The following CNBD2 variants were observed in gnomAD, a reference collection of about 807,000 sequenced individuals.
The protein encoded by CNBD2 is cyclic nucleotide binding domain containing 2.
CNBD2 carries 64 observed loss-of-function variants against 63.7 expected under a neutral mutation model. The observed-to-expected ratio is 1.00, with a 90% CI of 0.82 to 1.24. The LOEUF (loss-of-function observed/expected upper bound fraction) is 1.24. Ranked by LOEUF, CNBD2 falls within the 50% of genes most tolerant of loss-of-function variation. The pLI is 0.00. For synonymous variants in CNBD2, 229 were observed against 255.4 expected, an observed-to-expected ratio of 0.90 and a Z score of 0.99; for missense variants, 691 against 713.5, an observed-to-expected ratio of 0.97 and a Z score of 0.36.
chr20:35,967,239 C>CTTTT (rs141881380), upstream of CNBD2, among the ~76,000 whole-genome samples: 90 of 87,008 alleles, frequency 1.0e-3, 5 homozygotes, highest in African/African-American at 4.1e-3. Context: ...CCCCCTCCCG[C>CTTTT]TTTTTTTTTT....
At chr20:35,981,432 T>A (rs1334498343) in intron 4 of CNBD2, among the ~76,000 whole-genome samples, 1 of 152,044 alleles carries the variant, frequency 6.6e-6, no homozygotes, top group African/African-American at 2.4e-5. Context: ...CTTTCTTTAT[T>A]CTTTTTATTA....
intron 6 of CNBD2, among the ~76,000 whole-genome samples, chr20:35,986,950 G>T (rs112033022): frequency 2.0e-5 from 3 of 152,196 alleles, no homozygotes; most frequent in African/African-American, 4.8e-5. Flanking sequence ...AACAGGCCAG[G>T]GGGACACAAG....
At chr20:35,977,676 C>T (rs1408469958) in intron 3 of CNBD2, among the ~76,000 whole-genome samples, 3 of 151,968 alleles carry the variant, frequency 2.0e-5, no homozygotes, top group East Asian at 1.9e-4. Context: ...AGACCCTGTC[C>T]CCCTGCCCCC....
At chr20:36,011,521 C>T (rs1356273662) in intron 10 of CNBD2, among the ~76,000 whole-genome samples, 1 of 151,994 alleles carries the variant, frequency 6.6e-6, no homozygotes, top group Non-Finnish European at 1.5e-5. Flanking sequence ...CCTGTCTCTA[C>T]TAAAAATACA....
At chr20:35,976,663 C>T (rs1241061899) in intron 3 of CNBD2, among the ~76,000 whole-genome samples, 1 of 152,116 alleles carries the variant, frequency 6.6e-6, no homozygotes, top group Non-Finnish European at 1.5e-5. Flanking sequence ...GTGACTTGTT[C>T]CCTGAATTTC....
downstream of CNBD2, among the ~76,000 whole-genome samples, chr20:35,956,990 C>A (rs6141579): frequency 6.6e-6 from 1 of 152,154 alleles, no homozygotes; most frequent in Non-Finnish European, 1.5e-5. Context: ...CATAAATGTC[C>A]TAGAATTCCA....
intron 3 of CNBD2, 97 bp from the exon 4 acceptor site, chr20:35,980,362 A>T (rs1601030273): frequency 8.8e-7 from 1 of 1,131,286 alleles, no homozygotes; most frequent in East Asian, 2.4e-5. Context: ...TGGTACAGGG[A>T]ACGGGAGAGT....
At chr20:35,976,051 T>C in intron 3 of CNBD2, 49 bp downstream of exon 3, 1 of 1,527,768 alleles carries the variant, frequency 6.5e-7, no homozygotes, top group Non-Finnish European at 9.0e-7. Flanking sequence ...TTCTGCACCC[T>C]GGCTTGGAAG....
At chr20:35,958,454 T>C (rs2056278956), downstream of CNBD2, among the ~76,000 whole-genome samples, 1 of 152,180 alleles carries the variant, frequency 6.6e-6, no homozygotes, top group Non-Finnish European at 1.5e-5. Flanking sequence ...AAGTTTTTTA[T>C]TTGGAAATAA....
intron 5 of CNBD2, 55 bp from the exon 6 acceptor site, chr20:35,984,572 G>A: frequency 6.3e-7 from 1 of 1,590,136 alleles, no homozygotes; most frequent in Non-Finnish European, 8.6e-7. Context: ...GTGTAAGGCT[G>A]AGGACAGGAA....
At chr20:35,974,107 G>A (rs1432309005) in intron 2 of CNBD2, 4 of 153,720 alleles carry the variant, frequency 2.6e-5, no homozygotes, top group Admixed American at 2.0e-4. Flanking sequence ...TATAACTAGT[G>A]TGTATGTAGC....
chr20:36,003,991 G>A (rs1196270786), intron 8 of CNBD2, among the ~76,000 whole-genome samples: 1 of 152,178 alleles, frequency 6.6e-6, no homozygotes, highest in Admixed American at 6.5e-5. Context: ...TTGGCCAAGT[G>A]TCTGGCCTCA....
chr20:36,012,130 T>G (rs560264341), intron 10 of CNBD2, among the ~76,000 whole-genome samples: 1 of 151,852 alleles, frequency 6.6e-6, no homozygotes, highest in Non-Finnish European at 1.5e-5. Context: ...TGAAACCCCA[T>G]CTCTACTAAT....
intron 9 of CNBD2, among the ~76,000 whole-genome samples, chr20:36,009,764 G>A (rs539894568): frequency 3.9e-5 from 6 of 152,196 alleles, no homozygotes; most frequent in South Asian, 4.1e-4. Flanking sequence ...CCCAAGAGGC[G>A]GAGGTTGCAG....
chr20:35,965,707 A>T (rs939586302), upstream of CNBD2, among the ~76,000 whole-genome samples: 5 of 152,206 alleles, frequency 3.3e-5, no homozygotes, highest in African/African-American at 1.2e-4. Context: ...CTGAATCCCC[A>T]GCCCACCTCC....
chr20:36,000,864 C>G (rs1002883358), intron 8 of CNBD2, among the ~76,000 whole-genome samples: 4 of 147,880 alleles, frequency 2.7e-5, no homozygotes, highest in Non-Finnish European at 4.4e-5. Flanking sequence ...GAACAAAGGT[C>G]TCTGGTTTTC....
chr20:36,027,778 T>C (rs1258390646), intron 11 of CNBD2, among the ~76,000 whole-genome samples: 1 of 151,700 alleles, frequency 6.6e-6, no homozygotes, highest in Non-Finnish European at 1.5e-5. Flanking sequence ...TGGCTTCAAG[T>C]GATTCTTCTG....
intron 8 of CNBD2, among the ~76,000 whole-genome samples, chr20:35,998,861 A>G (rs1175427155): frequency 6.8e-6 from 1 of 146,008 alleles, no homozygotes; most frequent in Non-Finnish European, 1.5e-5. Flanking sequence ...CGACAGAGCA[A>G]GACTGTGTCT....
At chr20:35,974,688 TA>T (rs2056475032) in intron 2 of CNBD2, 1 of 152,252 alleles carries the variant, frequency 6.6e-6, no homozygotes, top group African/African-American at 2.4e-5. Flanking sequence ...ATGCAAAGGA[TA>T]AACACGTTGT....
Sources: gnomAD v4.1 joint callset for allele counts (sites outside exome capture counted in the v4.1 genomes callset) on GRCh38, gnomAD v4.1.1 for gene constraint, MANE v1.5 for transcripts, NCBI Gene and HGNC (gene_info 2026-07-23, HGNC 2026-07-21) for gene names.